Variants in MICAL2 observed in about 807,000 individuals in gnomAD.
The protein encoded by MICAL2 is microtubule associated monooxygenase, calponin and LIM domain containing 2.
A neutral mutation model predicts 127.3 loss-of-function variants in MICAL2; 77 were observed. That is an observed-to-expected ratio of 0.60 (90% CI 0.50 to 0.73). The LOEUF is 0.73. MICAL2 is among the 30% of genes least tolerant of loss of function. The pLI is 0.00. For missense variants in MICAL2, 1,351 were observed against 1,434.4 expected, an observed-to-expected ratio of 0.94 and a Z score of 0.94; for synonymous variants, 570 against 551.1, an observed-to-expected ratio of 1.03 and a Z score of -0.48.
intron 3 of MICAL2, among the ~76,000 whole-genome samples, chr11:12,170,108 G>A (rs931735302): frequency 2.6e-5 from 4 of 152,104 alleles, no homozygotes; most frequent in Non-Finnish European, 4.4e-5. Flanking sequence ...AAACATTTGC[G>A]TGGTGCTTTA....
At chr11:12,292,164 G>A, downstream of MICAL2, 1 of 1,613,890 alleles carries the variant, frequency 6.2e-7, no homozygotes, top group Non-Finnish European at 8.5e-7. Flanking sequence ...GTGAACAAAA[G>A]AACTATGTCA....
At chr11:12,155,955 G>C (rs190462808) in intron 2 of MICAL2, among the ~76,000 whole-genome samples, 50 of 152,368 alleles carry the variant, frequency 3.3e-4, no homozygotes, top group Non-Finnish European at 6.2e-4. Context: ...AGAAGCAATG[G>C]ATGAGGTGAG....
chr11:12,171,408 C>T (rs1856237066), intron 3 of MICAL2, among the ~76,000 whole-genome samples: 1 of 152,190 alleles, frequency 6.6e-6, no homozygotes, highest in Non-Finnish European at 1.5e-5. Flanking sequence ...TTCCCTCTTC[C>T]TTGCTCACTG....
chr11:12,335,426 T>G (rs1003826064), intron 32 of MICAL2, among the ~76,000 whole-genome samples: 5 of 152,138 alleles, frequency 3.3e-5, no homozygotes, highest in Admixed American at 3.3e-4. Context: ...TGTTGGTAGT[T>G]TCTTTTGCTG....
chr11:12,299,704 G>A lies in MICAL2; in HGVS notation c.5212+4847G>A, dbSNP rs146554468. On this transcript the variant is annotated intron_variant, in intron 29 of 34. Transcript: ENST00000646065. Reference sequence around the variant, plus strand: ...GTATTACATACATACAGTAACATCCGCAAATGTTAAGCCTACAGCTGATGA... The same window carrying A: ...GTATTACATACATACAGTAACATCCACAAATGTTAAGCCTACAGCTGATGA... 8.6e-3 allele frequency among the ~76,000 whole-genome samples: 1,314 copies of A among 152,154 alleles called. 25 individuals carry two copies. The highest frequency in any genetic ancestry group is 0.03 in the African/African-American group (1,259 of 41,500).
intron 32 of MICAL2, among the ~76,000 whole-genome samples, chr11:12,341,619 G>T (rs915696042): frequency 3.9e-5 from 6 of 152,118 alleles, no homozygotes; most frequent in African/African-American, 1.4e-4. Flanking sequence ...CTAAGGTCAG[G>T]AGTTCAAGAC....
chr11:12,294,840 C>CTCCTCG (rs1201404819), downstream of MICAL2: 1 of 974,564 alleles, frequency 1.0e-6, no homozygotes, highest in East Asian at 2.9e-5. Context: ...CCTCCTCCTC[C>CTCCTCG]TACAGCGGGA....
intron 3 of MICAL2, among the ~76,000 whole-genome samples, chr11:12,183,104 A>G (rs1857688097): frequency 6.6e-6 from 1 of 151,724 alleles, no homozygotes; most frequent in Non-Finnish European, 1.5e-5. Context: ...TTGTTCAGGA[A>G]GTTAGGAGTA....
chr11:12,292,120 A>T, downstream of MICAL2: 1 of 1,608,260 alleles, frequency 6.2e-7, no homozygotes, highest in Non-Finnish European at 8.5e-7. Context: ...TTTGTAATGA[A>T]GAGTGTGTTC....
At chr11:12,333,111 A>G (rs1024183123) in intron 32 of MICAL2, among the ~76,000 whole-genome samples, 4 of 152,196 alleles carry the variant, frequency 2.6e-5, no homozygotes, top group Non-Finnish European at 4.4e-5. Context: ...TGTTTTTTAA[A>G]AATAAGACAG....
At chr11:12,292,134 C>A (rs1863911201), downstream of MICAL2, 1 of 1,612,138 alleles carries the variant, frequency 6.2e-7, no homozygotes, top group Admixed American at 1.7e-5. Context: ...TGTGTTCTTT[C>A]CTTGGTAGGT....
intron 29 of MICAL2, among the ~76,000 whole-genome samples, chr11:12,318,665 A>G (rs1408385117): frequency 6.6e-6 from 1 of 152,152 alleles, no homozygotes; most frequent in Non-Finnish European, 1.5e-5. Flanking sequence ...AAGATTAGTA[A>G]ATTTCGTATC....
chr11:12,293,593 G>A (rs368476000), downstream of MICAL2: 67 of 1,613,490 alleles, frequency 4.2e-5, no homozygotes, highest in Non-Finnish European at 5.3e-5. Context: ...CGCAAGTCTC[G>A]AGAGGTCATC....
chr11:12,340,990 A>G (rs962380422), intron 32 of MICAL2, among the ~76,000 whole-genome samples: 2 of 152,208 alleles, frequency 1.3e-5, no homozygotes, highest in Admixed American at 1.3e-4. Flanking sequence ...ATCAGGCCAG[A>G]TTCACAGCAC....
At chr11:12,176,195 C>A (rs981960722) in intron 3 of MICAL2, among the ~76,000 whole-genome samples, 17 of 152,254 alleles carry the variant, frequency 1.1e-4, no homozygotes, top group Non-Finnish European at 2.2e-4. Flanking sequence ...AGCCTCACTG[C>A]GAAGGTTAGG....
intron 1 of MICAL2, among the ~76,000 whole-genome samples, chr11:12,127,947 G>A (rs549531757): frequency 6.6e-6 from 1 of 152,326 alleles, no homozygotes; most frequent in African/African-American, 2.4e-5. Flanking sequence ...ACGTTTTCAA[G>A]AGGATGAAGT....
chr11:12,310,015 A>G (rs1476509400), intron 29 of MICAL2, among the ~76,000 whole-genome samples: 1 of 151,704 alleles, frequency 6.6e-6, no homozygotes, highest in Non-Finnish European at 1.5e-5. Context: ...TGCATTTTTT[A>G]TTTGAATTAT....
rs762303327 is a variant in MICAL2, at chr11:12,242,300, A to G, written c.2424A>G (p.Arg808=). ...GTGAGTGCCTGAGCAGACCTTGGAG[A>G]GCCAGAGCCAAGTCTGACCTACAGC... The part of the protein sequence containing the change: ...AGSECLSRPW[R]ARAKSDLQLG... Residue 808 remains arginine, a synonymous_variant, in exon 19 of 28, where the codon AGA becomes AGG. Coordinates refer to ENST00000683283, the MANE Select transcript of MICAL2 (RefSeq NM_001282663.2). 68 of 1,613,922 alleles carry G rather than the reference A, an allele frequency of 4.2e-5. No individual in the cohort carries two copies. The highest frequency in any genetic ancestry group is 5.8e-5 in the Non-Finnish European group (68 of 1,179,984).
intron 29 of MICAL2, among the ~76,000 whole-genome samples, chr11:12,312,250 G>A: frequency 6.7e-6 from 1 of 149,986 alleles, no homozygotes; most frequent in East Asian, 1.9e-4. Flanking sequence ...TTCTTATCTT[G>A]ATTATTTGCT....
Sources: gnomAD v4.1 joint callset for allele counts (sites outside exome capture counted in the v4.1 genomes callset) on GRCh38, gnomAD v4.1.1 for gene constraint, MANE v1.5 for transcripts, NCBI Gene and HGNC (gene_info 2026-07-23, HGNC 2026-07-21) for gene names.